KCNH7: variants seen among roughly 807,000 people sequenced by gnomAD.
KCNH7 encodes the protein potassium voltage-gated channel subfamily H member 7, also known as voltage-gated inwardly rectifying potassium channel KCNH7.
In KCNH7, 49 loss-of-function variants were observed where a neutral mutation model predicts 120.8. The observed-to-expected ratio is 0.41, with a 90% CI of 0.32 to 0.51. The LOEUF is 0.51. KCNH7 is among the 20% of genes least tolerant of loss of function. KCNH7 has a pLI of 0.38. For synonymous variants in KCNH7, 547 were observed against 516.1 expected (o/e 1.06, Z -0.81); for missense variants, 1,097 against 1,446.6 (o/e 0.76, Z 3.92).
chr2:162,788,067 A>G (rs2105510851), intron 2 of KCNH7, among the ~76,000 whole-genome samples: 1 of 151,612 alleles, frequency 6.6e-6, no homozygotes, highest in Non-Finnish European at 1.5e-5. Context: ...GGAGACCAAA[A>G]GGATTGCTTA....
At chr2:162,752,933 GAAAA>G (rs1688626286) in intron 2 of KCNH7, among the ~76,000 whole-genome samples, 1 of 84,726 alleles carries the variant, frequency 1.2e-5, no homozygotes, top group African/African-American at 7.6e-5. Flanking sequence ...GAAAAGAAAA[GAAAA>G]GAAAAGAAAA....
intron 6 of KCNH7, among the ~76,000 whole-genome samples, chr2:162,458,119 G>GTGTGTA (rs1411799267): frequency 2.0e-5 from 3 of 151,906 alleles, no homozygotes; most frequent in East Asian, 3.9e-4. Flanking sequence ...GTGTGTGTGT[G>GTGTGTA]TGTGTGTGTG....
At chr2:162,689,647 TTTAA>T (rs1477052217) in intron 2 of KCNH7, among the ~76,000 whole-genome samples, 1 of 152,176 alleles carries the variant, frequency 6.6e-6, no homozygotes, top group Non-Finnish European at 1.5e-5. Flanking sequence ...AAACATTTTA[TTTAA>T]TTAATGTTTA....
intron 14 of KCNH7, among the ~76,000 whole-genome samples, chr2:162,375,016 T>G (rs550159478): frequency 6.6e-6 from 1 of 152,324 alleles, no homozygotes; most frequent in East Asian, 1.9e-4. Context: ...CACTGTTATG[T>G]GTTATACATA....
intron 8 of KCNH7, among the ~76,000 whole-genome samples, chr2:162,434,482 T>C (rs894270291): frequency 6.6e-6 from 1 of 152,130 alleles, no homozygotes; most frequent in African/African-American, 2.4e-5. Context: ...AACAGCAAGT[T>C]CACCTTCAGT....
intron 12 of KCNH7, among the ~76,000 whole-genome samples, chr2:162,387,561 C>T (rs1323011366): frequency 6.6e-6 from 1 of 151,328 alleles, no homozygotes; most frequent in Admixed American, 6.6e-5. Flanking sequence ...CATAATCTTT[C>T]CTGTTACCAT....
intron 2 of KCNH7, among the ~76,000 whole-genome samples, chr2:162,575,980 T>C (rs966932441): frequency 4.0e-5 from 6 of 151,810 alleles, no homozygotes; most frequent in African/African-American, 1.5e-4. Flanking sequence ...GAAAATGGGG[T>C]TTTTCCATAT....
chr2:162,805,234 G>T (rs564306386), intron 2 of KCNH7, among the ~76,000 whole-genome samples: 1 of 151,838 alleles, frequency 6.6e-6, no homozygotes, highest in African/African-American at 2.4e-5. Context: ...ATAAATAAAT[G>T]GTACCTAATT....
chr2:162,762,266 T>C (rs1688993486), intron 2 of KCNH7, among the ~76,000 whole-genome samples: 2 of 151,946 alleles, frequency 1.3e-5, no homozygotes, highest in Non-Finnish European at 2.9e-5. Flanking sequence ...AAATAACATA[T>C]ATATGTATAT....
chr2:162,631,070 G>A (rs564410303), intron 2 of KCNH7, among the ~76,000 whole-genome samples: 1 of 152,238 alleles, frequency 6.6e-6, no homozygotes, highest in African/African-American at 2.4e-5. Context: ...TGGGCAGAGT[G>A]AGATTTCATA....
chr2:162,731,236 G>A (rs202130561), intron 2 of KCNH7, among the ~76,000 whole-genome samples: 2,935 of 148,596 alleles, frequency 0.02, 58 homozygotes, highest in East Asian at 0.11. Flanking sequence ...ATATATATGT[G>A]TGTGTGTGTG....
intron 2 of KCNH7, among the ~76,000 whole-genome samples, chr2:162,787,844 C>T (rs143221865): frequency 2.4e-4 from 36 of 152,250 alleles, no homozygotes; most frequent in African/African-American, 8.2e-4. Context: ...TCCAGGCCTA[C>T]TCCAGTGAAC....
At chr2:162,499,470 C>A (rs1039566447) in intron 6 of KCNH7, among the ~76,000 whole-genome samples, 5 of 151,958 alleles carry the variant, frequency 3.3e-5, no homozygotes, top group Non-Finnish European at 7.4e-5. Flanking sequence ...GGAAAAAAAA[C>A]ACACACATCT....
chr2:162,513,060 C>A (rs1271172258), intron 4 of KCNH7, among the ~76,000 whole-genome samples: 1 of 151,850 alleles, frequency 6.6e-6, no homozygotes, highest in African/African-American at 2.4e-5. Flanking sequence ...CAAAGGAAGA[C>A]TCCACATTTT....
chr2:162,698,427 G>T (rs577813447), intron 2 of KCNH7, among the ~76,000 whole-genome samples: 9 of 137,290 alleles, frequency 6.6e-5, no homozygotes, highest in African/African-American at 2.7e-4. Flanking sequence ...TTTAATCGCC[G>T]TCTTTATTTT....
chr2:162,390,692 A>G (rs974766895), intron 12 of KCNH7, among the ~76,000 whole-genome samples: 5 of 151,998 alleles, frequency 3.3e-5, no homozygotes, highest in African/African-American at 4.8e-5. Context: ...CCAGAATTTT[A>G]GGAAGAAAAG....
chr2:162,811,999 A>G (rs943259448), intron 2 of KCNH7, among the ~76,000 whole-genome samples: 1 of 152,236 alleles, frequency 6.6e-6, no homozygotes, highest in African/African-American at 2.4e-5. Flanking sequence ...AATAGAATAA[A>G]TTATAGTGTA....
chr2:162,517,695 A>T, intron 4 of KCNH7, 35 bp downstream of exon 4: 1 of 1,463,700 alleles, frequency 6.8e-7, no homozygotes, highest in Non-Finnish European at 9.3e-7. Flanking sequence ...TTACCCATTA[A>T]TATATGTTTC....
At chr2:162,836,844 A>T in intron 1 of KCNH7, 77 bp from the exon 2 acceptor site, 1 of 1,014,240 alleles carries the variant, frequency 9.9e-7, no homozygotes, top group South Asian at 1.5e-5. Context: ...AATTTGTTGC[A>T]TAATAAGAGC....
Sources: gnomAD v4.1 joint callset for allele counts (sites outside exome capture counted in the v4.1 genomes callset) on GRCh38, gnomAD v4.1.1 for gene constraint, MANE v1.5 for transcripts, NCBI Gene and HGNC (gene_info 2026-07-23, HGNC 2026-07-21) for gene names.